The following PDE11A variants were observed in gnomAD, a reference collection of about 807,000 sequenced individuals.
PDE11A encodes dual 3',5'-cyclic-AMP and -GMP phosphodiesterase 11A.
PDE11A carries 100 observed loss-of-function variants against 100.5 expected under a neutral mutation model. The ratio of observed to expected loss-of-function variants is 1.00; its 90% CI spans 0.85 to 1.18. The LOEUF (loss-of-function observed/expected upper bound fraction) is 1.18, where lower values mean the gene tolerates loss of function less well. PDE11A is among the 50% of genes most tolerant of loss of function. The pLI, the probability that PDE11A is intolerant of heterozygous loss-of-function variation, is 0.00. For missense variants in PDE11A, 1,141 were observed against 1,152.6 expected (o/e 0.99, Z 0.15); for synonymous variants, 381 against 420.8 (o/e 0.91, Z 1.16).
chr2:178,069,908 T>A (rs1248405082), intron 1 of PDE11A, among the ~76,000 whole-genome samples: 1 of 151,804 alleles, frequency 6.6e-6, no homozygotes, highest in East Asian at 1.9e-4. Flanking sequence ...GTAAGGGCAA[T>A]AAAGAGAAAA....
Position 178,072,172 on chromosome 2 carries a change from C to A in PDE11A, c.266G>T (p.Gly89Val). The A allele has an allele frequency of 3.1e-6, 5 of 1,614,028 alleles. No individual in the cohort carries two copies. The highest frequency in any genetic ancestry group is 4.2e-6 in the Non-Finnish European group (5 of 1,179,962). The change falls in exon 1 of 20, where the codon GGT (glycine) becomes GTT (valine). Residue 89 changes from glycine to valine, a missense_variant. By Grantham distance (109) the Gly-to-Val change is moderately radical (BLOSUM62 -3). Transcript: ENST00000286063. ...GGGAACCCCACCACAGTCCCCGCCA[C>A]CGGGAAGGGGCTGGCTGTGGGCAGA... ...NGSAHSQPLP[G>V]GGDCGGVPLS...
intron 4 of PDE11A, among the ~76,000 whole-genome samples, chr2:177,879,144 C>T (rs887574927): frequency 6.6e-6 from 1 of 152,092 alleles, no homozygotes; most frequent in African/African-American, 2.4e-5. Context: ...TTAATTTCTG[C>T]AAATCTGATA....
chr2:178,055,584 A>T (rs2086889884), intron 1 of PDE11A, among the ~76,000 whole-genome samples: 1 of 152,196 alleles, frequency 6.6e-6, no homozygotes, highest in Non-Finnish European at 1.5e-5. Context: ...AAATGCATTC[A>T]CTAAGGAATT....
chr2:177,855,352 A>G (rs1288907443), intron 5 of PDE11A, among the ~76,000 whole-genome samples: 2 of 152,092 alleles, frequency 1.3e-5, no homozygotes, highest in Non-Finnish European at 2.9e-5. Context: ...CCATAAAAGC[A>G]GCGAGAATAC....
chr2:177,827,649 A>G (rs2083246385), intron 6 of PDE11A, among the ~76,000 whole-genome samples: 1 of 152,222 alleles, frequency 6.6e-6, no homozygotes, highest in Admixed American at 6.5e-5. Flanking sequence ...ATTTATTTTA[A>G]TGCATTCTTT....
At chr2:177,679,688 G>T (rs1017219770) in intron 16 of PDE11A, among the ~76,000 whole-genome samples, 1 of 152,168 alleles carries the variant, frequency 6.6e-6, no homozygotes, top group African/African-American at 2.4e-5. Context: ...CTATGATGGG[G>T]TCTGGAGAAA....
chr2:178,074,879 A>G (rs181477419), upstream of PDE11A, among the ~76,000 whole-genome samples: 101 of 152,272 alleles, frequency 6.6e-4, no homozygotes, highest in African/African-American at 2.1e-3. Flanking sequence ...GAAGAAAATG[A>G]GAAAGTGACA....
chr2:178,032,013 T>TA (rs775350194), intron 1 of PDE11A, among the ~76,000 whole-genome samples: 2 of 152,070 alleles, frequency 1.3e-5, no homozygotes, highest in African/African-American at 4.8e-5. Context: ...GAGAGCCTAG[T>TA]AAAAAACCCA....
intron 5 of PDE11A, among the ~76,000 whole-genome samples, chr2:177,869,268 C>T (rs1461410630): frequency 6.6e-6 from 1 of 152,202 alleles, no homozygotes; most frequent in Non-Finnish European, 1.5e-5. Context: ...ATTTGCTGCT[C>T]AGGCTCTTAT....
upstream of PDE11A, among the ~76,000 whole-genome samples, chr2:178,074,146 T>G (rs866161395): frequency 3.3e-5 from 5 of 152,140 alleles, no homozygotes; most frequent in Admixed American, 3.3e-4. Flanking sequence ...AGTGTAAAAT[T>G]TCATTTGTAA....
Position 177,669,250 on chromosome 2 carries a change from C to T in PDE11A, c.2562+243G>A, listed in dbSNP as rs190002965. ...ATTCAAACTCCACTTTGCTCATCCT[C>T]CCTCGTGCCTACTTGTCCCACTGTG... On this transcript the variant is annotated intron_variant, in intron 18 of 19. Coordinates refer to ENST00000286063, the MANE Select transcript of PDE11A (RefSeq NM_016953.4). Among the ~76,000 whole-genome samples the T allele has an allele frequency of 1.2e-3, 190 of 152,264 alleles. 1 individual carries two copies. The highest frequency in any genetic ancestry group is 3.4e-3 in the Middle Eastern group (1 of 294).
chr2:177,737,449 A>ACACAC (rs55844103), intron 10 of PDE11A, among the ~76,000 whole-genome samples: 11 of 148,130 alleles, frequency 7.4e-5, no homozygotes, highest in Non-Finnish European at 1.1e-4. Context: ...ACACACACAC[A>ACACAC]AATTAGCCAG....
At chr2:177,718,530 A>G (rs1379032669) in intron 12 of PDE11A, among the ~76,000 whole-genome samples, 2 of 152,332 alleles carry the variant, frequency 1.3e-5, no homozygotes, top group East Asian at 3.9e-4. Flanking sequence ...TTTAGTTTAA[A>G]TATGGCTCTG....
At chr2:177,745,349 C>T (rs2081934188) in intron 10 of PDE11A, among the ~76,000 whole-genome samples, 1 of 152,188 alleles carries the variant, frequency 6.6e-6, no homozygotes, top group Admixed American at 6.5e-5. Flanking sequence ...CCTCCTATTC[C>T]CCTAGACAGA....
intron 5 of PDE11A, among the ~76,000 whole-genome samples, chr2:177,871,239 C>T (rs1045105911): frequency 1.3e-5 from 2 of 152,014 alleles, no homozygotes; most frequent in African/African-American, 4.8e-5. Context: ...GGGGTACACT[C>T]GGGGTTGTTT....
intron 10 of PDE11A, among the ~76,000 whole-genome samples, chr2:177,768,641 G>C (rs539873401): frequency 6.6e-6 from 1 of 152,306 alleles, no homozygotes; most frequent in East Asian, 1.9e-4. Flanking sequence ...TTAAGGAAAT[G>C]GTAGTAACTA....
chr2:177,753,539 A>T (rs2082051631), intron 10 of PDE11A, among the ~76,000 whole-genome samples: 2 of 151,962 alleles, frequency 1.3e-5, no homozygotes, highest in South Asian at 4.2e-4. Flanking sequence ...CTGAGGAAGA[A>T]AAATCAGCCT....
upstream of PDE11A, among the ~76,000 whole-genome samples, chr2:178,073,434 AAG>A (rs1252453658): frequency 6.6e-6 from 1 of 152,196 alleles, no homozygotes; most frequent in African/African-American, 2.4e-5. Context: ...AGTACAGAAA[AAG>A]AGTTTACCAG....
intron 1 of PDE11A, among the ~76,000 whole-genome samples, chr2:178,106,474 A>C (rs1012356388): frequency 7.2e-5 from 11 of 152,218 alleles, no homozygotes; most frequent in African/African-American, 2.7e-4. Flanking sequence ...CAGTTCTATT[A>C]ATTACCTAAA....
Sources: allele counts gnomAD v4.1 joint callset (sites outside exome capture counted in the v4.1 genomes callset), GRCh38; gene constraint gnomAD v4.1.1; transcripts MANE v1.5; gene names NCBI Gene and HGNC (gene_info 2026-07-23, HGNC 2026-07-21).